Variants in FDFT1 observed in about 807,000 individuals in gnomAD.
The protein encoded by FDFT1 is farnesyl-diphosphate farnesyltransferase 1, also known as squalene synthase.
FDFT1 carries 68 observed loss-of-function variants against 46.8 expected under a neutral mutation model. That is an observed-to-expected ratio of 1.45 (90% CI 1.19 to 1.78). The LOEUF (loss-of-function observed/expected upper bound fraction) is 1.78, where lower values mean the gene tolerates loss of function less well. Ranked by LOEUF, FDFT1 falls within the 40% of genes most tolerant of loss-of-function variation. FDFT1 has a pLI of 0.00. For synonymous variants in FDFT1, 351 were observed against 185.1 expected, an observed-to-expected ratio of 1.90 and a Z score of -7.28; for missense variants, 928 against 524.4, an observed-to-expected ratio of 1.77 and a Z score of -7.52.
chr8:11,829,674 A>C (rs1026889947), intron 5 of FDFT1, among the ~76,000 whole-genome samples: 9 of 152,190 alleles, frequency 5.9e-5, no homozygotes, highest in Non-Finnish European at 1.2e-4. Flanking sequence ...GTGTTGCACT[A>C]GTTGTCCCTC....
intron 7 of FDFT1, among the ~76,000 whole-genome samples, chr8:11,836,711 C>T (rs1257170066): frequency 6.6e-6 from 1 of 152,244 alleles, no homozygotes; most frequent in East Asian, 1.9e-4. Flanking sequence ...ATTATCTCAT[C>T]ACTATATATT....
intron 3 of FDFT1, among the ~76,000 whole-genome samples, chr8:11,816,191 T>G (rs7823403): frequency 6.6e-6 from 1 of 152,214 alleles, no homozygotes; most frequent in African/African-American, 2.4e-5. Flanking sequence ...TGTGTAGTGT[T>G]ATTTCTGAGG....
At chr8:11,799,388 A>G (rs1426515193), upstream of FDFT1, among the ~76,000 whole-genome samples, 3 of 152,236 alleles carry the variant, frequency 2.0e-5, no homozygotes, top group Non-Finnish European at 4.4e-5. Context: ...CTGCTGGAGA[A>G]AAAGAAGAGC....
chr8:11,816,584 A>G (rs1249947624), intron 3 of FDFT1, among the ~76,000 whole-genome samples: 2 of 152,114 alleles, frequency 1.3e-5, no homozygotes, highest in Admixed American at 6.5e-5. Context: ...GGTCCTTCAT[A>G]TCCCTTGTAA....
At chr8:11,800,283 AAAAAAAAAAG>A (rs1409794298), upstream of FDFT1, among the ~76,000 whole-genome samples, 27 of 142,950 alleles carry the variant, frequency 1.9e-4, no homozygotes, top group Non-Finnish European at 3.4e-4. Context: ...AAAAAAAAAA[AAAAAAAAAAG>A]GCGCTTGAAC....
Position 11,838,890 on chromosome 8 carries a change from C to A in FDFT1, c.*281C>A. 1 of 431,220 alleles carries A rather than the reference C, an allele frequency of 2.3e-6. No individual in the cohort carries two copies. The highest frequency in any genetic ancestry group is 4.2e-6 in the Non-Finnish European group (1 of 237,066). 26.7% of individuals were successfully genotyped at this position (431,220 alleles called of 1,614,324 possible). ...TGCCACGGTTTAGGTGAAGTCGCTG[C>A]ATATGTGACTGTCATGAGATCCTAC... is the stretch of plus-strand genomic sequence containing the variant. On this transcript the variant is annotated 3_prime_UTR_variant, in exon 8 of 8. Transcript: ENST00000220584.
chr8:11,831,478 A>G (rs978869988), intron 6 of FDFT1, 40 bp from the exon 7 acceptor site: 1 of 1,592,234 alleles, frequency 6.3e-7, no homozygotes. Context: ...AGCTAACGAC[A>G]TCATTTCTTC....
At chr8:11,802,611 A>C (rs1269054805), upstream of FDFT1, 1 of 595,352 alleles carries the variant, frequency 1.7e-6, no homozygotes, top group African/African-American at 1.9e-5. Flanking sequence ...GGCCCTGGCC[A>C]ATCAGCGCCC....
intron 5 of FDFT1, among the ~76,000 whole-genome samples, chr8:11,827,363 A>G (rs1265489792): frequency 1.3e-5 from 2 of 152,202 alleles, no homozygotes; most frequent in Non-Finnish European, 2.9e-5. Flanking sequence ...AACTAAATTT[A>G]AAAGATTAAC....
intron 4 of FDFT1, among the ~76,000 whole-genome samples, chr8:11,824,641 T>C (rs1440504391): frequency 6.6e-6 from 1 of 152,148 alleles, no homozygotes; most frequent in African/African-American, 2.4e-5. Flanking sequence ...TTAAATCGAC[T>C]TCTTTGTGCC....
chr8:11,818,769 C>T (rs1051453097), intron 3 of FDFT1, among the ~76,000 whole-genome samples: 1 of 152,118 alleles, frequency 6.6e-6, no homozygotes, highest in African/African-American at 2.4e-5. Context: ...GACGGGTCTC[C>T]TGAATACAGC....
chr8:11,810,123 C>T (rs750783308), intron 3 of FDFT1: 7 of 407,636 alleles, frequency 1.7e-5, no homozygotes, highest in East Asian at 1.6e-4. Flanking sequence ...ATAACACCTA[C>T]CTCATGGTAT....
intron 7 of FDFT1, among the ~76,000 whole-genome samples, chr8:11,832,728 T>C (rs1463211186): frequency 6.6e-6 from 1 of 151,820 alleles, no homozygotes; most frequent in Non-Finnish European, 1.5e-5. Context: ...AGGAATCGGG[T>C]GCTACTGGCA....
chr8:11,838,905 T>C lies in FDFT1; in HGVS notation c.*296T>C. ...GAAGTCGCTGCATATGTGACTGTCATGAGATCCTACTTAGTATGATCCTGG... is the reference window on the plus strand; with the variant it reads ...GAAGTCGCTGCATATGTGACTGTCACGAGATCCTACTTAGTATGATCCTGG... On this transcript the variant is annotated 3_prime_UTR_variant, in exon 8 of 8. Coordinates refer to ENST00000220584, the MANE Select transcript of FDFT1 (RefSeq NM_004462.5). 2.5e-6 allele frequency: 1 copy of C among 396,224 alleles called. No homozygotes were observed. The highest frequency in any genetic ancestry group is 2.6e-5 in the South Asian group (1 of 38,878). 24.5% of individuals were successfully genotyped at this position (396,224 alleles called of 1,614,324 possible).
At chr8:11,825,932 T>C in intron 4 of FDFT1, 92 bp from the exon 5 acceptor site, 2 of 816,908 alleles carry the variant, frequency 2.4e-6, no homozygotes, top group Non-Finnish European at 3.6e-6. Context: ...CCATTCTCTT[T>C]TGAACCTGCT....
At chr8:11,804,370 T>C (rs913716387) in intron 1 of FDFT1, among the ~76,000 whole-genome samples, 4 of 152,172 alleles carry the variant, frequency 2.6e-5, no homozygotes, top group African/African-American at 9.7e-5. Context: ...GGTAAGTGGG[T>C]AGAGAAAGAC....
chr8:11,798,193 G>A (rs1805758619), upstream of FDFT1: 1 of 152,164 alleles, frequency 6.6e-6, no homozygotes, highest in Non-Finnish European at 1.5e-5. Flanking sequence ...CCGAGTAACT[G>A]GGATTACAGG....
At chr8:11,816,535 T>G (rs550964625) in intron 3 of FDFT1, among the ~76,000 whole-genome samples, 89 of 152,342 alleles carry the variant, frequency 5.8e-4, no homozygotes, top group African/African-American at 2.1e-3. Flanking sequence ...ATGGCCTCTT[T>G]TATTTCATTG....
chr8:11,825,001 C>T (rs1197192254), intron 4 of FDFT1, among the ~76,000 whole-genome samples: 1 of 152,156 alleles, frequency 6.6e-6, no homozygotes, highest in Non-Finnish European at 1.5e-5. Context: ...TCCCAAAGTG[C>T]TGGGATTACA....
Sources: gnomAD v4.1 joint callset for allele counts (sites outside exome capture counted in the v4.1 genomes callset) on GRCh38, gnomAD v4.1.1 for gene constraint, MANE v1.5 for transcripts, NCBI Gene and HGNC (gene_info 2026-07-23, HGNC 2026-07-21) for gene names.